Variants in KANK4 observed in about 807,000 individuals in gnomAD.
The protein encoded by KANK4 is KN motif and ankyrin repeat domain-containing protein 4.
In KANK4, 50 loss-of-function variants were observed where a neutral mutation model predicts 80.8. The observed-to-expected ratio is 0.62, with a 90% confidence interval of 0.49 to 0.78. The LOEUF is 0.78. KANK4 is among the 30% of genes least tolerant of loss of function. KANK4 has a pLI of 0.00. For missense variants in KANK4, 1,196 were observed against 1,240.1 expected, an observed-to-expected ratio of 0.96 and a Z score of 0.53; for synonymous variants, 465 against 506.9, an observed-to-expected ratio of 0.92 and a Z score of 1.11.
intron 2 of KANK4, among the ~76,000 whole-genome samples, chr1:62,276,764 C>A (rs1042077522): frequency 3.2e-4 from 40 of 126,626 alleles, no homozygotes; most frequent in African/African-American, 1.1e-3. Flanking sequence ...GCAACGATAG[C>A]AAAACTCCAT....
intron 4 of KANK4, among the ~76,000 whole-genome samples, chr1:62,270,597 T>C (rs188873858): frequency 7.2e-5 from 11 of 152,254 alleles, no homozygotes; most frequent in Admixed American, 6.5e-4. Context: ...TTGGCCAGGC[T>C]GATCTTGAAA....
At position 62,315,568 on chromosome 1, in the gene KANK4, T is replaced by C. The variant is rs149778443; in HGVS notation, c.-71+3538A>G. On this transcript the variant is annotated intron_variant, in intron 1 of 9. Coordinates refer to ENST00000371153, the MANE Select transcript of KANK4 (RefSeq NM_181712.5). The stretch of plus-strand genomic sequence containing the variant: ...CTGTATCCACGCCATCATCCAGAAA[T>C]TGGCAAGAAAGGATTGTTCTCAAAC... Among the ~76,000 whole-genome samples the C allele has an allele frequency of 1.2e-3, 188 of 152,168 alleles. 2 individuals are homozygous for C. The highest frequency in any genetic ancestry group is 6.8e-3 in the Middle Eastern group (2 of 294).
At chr1:62,317,055 G>A (rs1006933818) in intron 1 of KANK4, among the ~76,000 whole-genome samples, 8 of 152,190 alleles carry the variant, frequency 5.3e-5, no homozygotes, top group African/African-American at 1.7e-4. Context: ...CAAAGGCAAC[G>A]CGTGGCCCAG....
At chr1:62,283,942 T>C (rs1426342369) in intron 1 of KANK4, among the ~76,000 whole-genome samples, 1 of 152,166 alleles carries the variant, frequency 6.6e-6, no homozygotes, top group Non-Finnish European at 1.5e-5. Context: ...GGATTTCTCT[T>C]AGACTTGGAT....
chr1:62,266,383 TAC>T (rs1672019633), intron 6 of KANK4, among the ~76,000 whole-genome samples: 1 of 149,746 alleles, frequency 6.7e-6, no homozygotes, highest in African/African-American at 2.5e-5. Context: ...CTGTGCACTG[TAC>T]ACTCACACCA....
chr1:62,314,723 C>A (rs2149175787), intron 1 of KANK4, among the ~76,000 whole-genome samples: 1 of 152,096 alleles, frequency 6.6e-6, no homozygotes, highest in East Asian at 1.9e-4. Flanking sequence ...ATCTATCCAA[C>A]CAACAAGTTT....
intron 1 of KANK4, among the ~76,000 whole-genome samples, chr1:62,291,733 A>C (rs1461671148): frequency 6.6e-6 from 1 of 151,994 alleles, no homozygotes; most frequent in African/African-American, 2.4e-5. Flanking sequence ...TTAGCCTCCC[A>C]AGTAGCTGGG....
intron 7 of KANK4, among the ~76,000 whole-genome samples, chr1:62,260,760 T>G (rs1238383864): frequency 6.6e-6 from 1 of 152,182 alleles, no homozygotes; most frequent in Non-Finnish European, 1.5e-5. Context: ...TTTCATGGGC[T>G]GTTCTTCCCC....
intron 8 of KANK4, among the ~76,000 whole-genome samples, chr1:62,250,869 T>C (rs994021471): frequency 4.6e-5 from 7 of 152,240 alleles, no homozygotes; most frequent in African/African-American, 1.7e-4. Flanking sequence ...TGCTATCAGA[T>C]GAAGTATGCA....
intron 2 of KANK4, among the ~76,000 whole-genome samples, chr1:62,278,315 TTC>T (rs1156387923): frequency 1.2e-4 from 2 of 17,272 alleles, no homozygotes; most frequent in African/African-American, 6.8e-4. Context: ...GGGGCACATT[TTC>T]TTTCTTCCTT....
intron 9 of KANK4, among the ~76,000 whole-genome samples, chr1:62,238,696 C>G (rs541685081): frequency 2.0e-5 from 3 of 149,324 alleles, no homozygotes; most frequent in Admixed American, 6.8e-5. Flanking sequence ...GTGGCGCAAT[C>G]GGAGCTCACT....
At chr1:62,298,457 T>C (rs1337352623) in intron 1 of KANK4, among the ~76,000 whole-genome samples, 1 of 152,212 alleles carries the variant, frequency 6.6e-6, no homozygotes, top group Non-Finnish European at 1.5e-5. Context: ...GGCCTCATAG[T>C]TGGCATTTCC....
At chr1:62,298,243 G>A (rs1274892804) in intron 1 of KANK4, 2 of 152,176 alleles carry the variant, frequency 1.3e-5, no homozygotes, top group African/African-American at 4.8e-5. Flanking sequence ...TATATTTGCT[G>A]CTGAAGTGAA....
intron 2 of KANK4, among the ~76,000 whole-genome samples, chr1:62,279,198 G>GCGCGCGCGCACACACACA (rs1282615199): frequency 4.8e-5 from 7 of 146,180 alleles, no homozygotes; most frequent in African/African-American, 1.8e-4. Flanking sequence ...GCTAGCGCGC[G>GCGCGCGCGCACACACACA]CACACACACA....
At chr1:62,315,730 A>G (rs1644533647) in intron 1 of KANK4, among the ~76,000 whole-genome samples, 1 of 152,220 alleles carries the variant, frequency 6.6e-6, no homozygotes, top group Admixed American at 6.5e-5. Flanking sequence ...AGCCTAGGTA[A>G]CAGTGAGATC....
At chr1:62,292,050 C>T (rs1182122923) in intron 1 of KANK4, among the ~76,000 whole-genome samples, 1 of 152,182 alleles carries the variant, frequency 6.6e-6, no homozygotes, top group Non-Finnish European at 1.5e-5. Context: ...CCACTCCACT[C>T]CCCATTCCCT....
At chr1:62,276,585 G>A (rs905643910) in intron 2 of KANK4, among the ~76,000 whole-genome samples, 2 of 152,148 alleles carry the variant, frequency 1.3e-5, no homozygotes, top group Admixed American at 1.3e-4. Flanking sequence ...AGACCAGCCT[G>A]GCCAACACGG....
At chr1:62,264,637 TG>T (rs1237357955) in intron 6 of KANK4, among the ~76,000 whole-genome samples, 1 of 152,118 alleles carries the variant, frequency 6.6e-6, no homozygotes, top group African/African-American at 2.4e-5. Context: ...GATCCTAACA[TG>T]GGTGTGGTGC....
At chr1:62,313,884 A>G (rs12725797) in intron 1 of KANK4, among the ~76,000 whole-genome samples, 13,598 of 152,214 alleles carry the variant, frequency 0.089, 721 homozygotes, top group Non-Finnish European at 0.11. Flanking sequence ...TTTTTTTTAA[A>G]TTTAAACATT....
Sources: allele counts gnomAD v4.1 joint callset (sites outside exome capture counted in the v4.1 genomes callset), GRCh38; gene constraint gnomAD v4.1.1; transcripts MANE v1.5; gene names NCBI Gene and HGNC (gene_info 2026-07-23, HGNC 2026-07-21).